The following PATJ variants were observed in gnomAD, a reference collection of about 807,000 sequenced individuals.
PATJ encodes the protein PATJ crumbs cell polarity complex component.
PATJ carries 190 observed loss-of-function variants against 224.9 expected under a neutral mutation model. The ratio of observed to expected loss-of-function variants is 0.84; its 90% CI spans 0.75 to 0.95. The LOEUF (loss-of-function observed/expected upper bound fraction) is 0.95, where lower values mean the gene tolerates loss of function less well. Among genes scored for constraint, PATJ ranks in the 40% least tolerant of loss-of-function variants. The pLI is 0.00. For missense variants in PATJ, 2,121 were observed against 2,270.3 expected (o/e 0.93, Z 1.34); for synonymous variants, 769 against 820.3 (o/e 0.94, Z 1.07).
Position 62,069,308 on chromosome 1 carries a change from C to G in PATJ, c.4126-10142C>G, listed in dbSNP as rs201310353. 3.9e-5 allele frequency among the ~76,000 whole-genome samples: 6 copies of G among 152,266 alleles called. No homozygotes were observed. The East Asian group carries it at 1.2e-3, about 29-fold the overall frequency. On this transcript the variant is annotated intron_variant, in intron 31 of 43. Coordinates refer to ENST00000642238, the MANE Select transcript of PATJ (RefSeq NM_001350145.3). ...GGCTTGGCAAATAATAATTTAGCCT[C>G]TCTGTGCCGCAGTTACCTCAGCTCT...
intron 27 of PATJ, among the ~76,000 whole-genome samples, chr1:61,976,950 A>T (rs1644168741): frequency 6.6e-6 from 1 of 152,064 alleles, no homozygotes; most frequent in Non-Finnish European, 1.5e-5. Flanking sequence ...TAATACCATT[A>T]ATTTTCCTAA....
chr1:61,862,906 C>T (rs1281058324), intron 19 of PATJ, among the ~76,000 whole-genome samples: 1 of 150,196 alleles, frequency 6.7e-6, no homozygotes, highest in Non-Finnish European at 1.5e-5. Context: ...ATATATGTTT[C>T]TATGATGTCT....
intron 28 of PATJ, among the ~76,000 whole-genome samples, chr1:62,014,980 C>T (rs553582411): frequency 4.6e-5 from 7 of 152,132 alleles, no homozygotes; most frequent in East Asian, 1.9e-4. Flanking sequence ...AGACAGTGGA[C>T]GTATTTTTAA....
At chr1:62,087,400 G>A (rs1055157159) in intron 33 of PATJ, among the ~76,000 whole-genome samples, 4 of 152,056 alleles carry the variant, frequency 2.6e-5, no homozygotes, top group Admixed American at 6.6e-5. Flanking sequence ...CGGGCCGTAG[G>A]TAGTTTTGGG....
intron 5 of PATJ, among the ~76,000 whole-genome samples, chr1:61,770,162 A>C (rs1228649557): frequency 6.6e-6 from 1 of 152,214 alleles, no homozygotes; most frequent in Non-Finnish European, 1.5e-5. Context: ...GATTAATTCT[A>C]GTCTCCCCAA....
At chr1:61,912,951 G>A (rs891583148) in intron 25 of PATJ, among the ~76,000 whole-genome samples, 2 of 152,122 alleles carry the variant, frequency 1.3e-5, no homozygotes, top group Non-Finnish European at 2.9e-5. Flanking sequence ...GTTGTTATAT[G>A]TATTAAACAG....
At chr1:61,931,355 GTAA>G (rs1557894353) in intron 27 of PATJ, among the ~76,000 whole-genome samples, 2 of 151,862 alleles carry the variant, frequency 1.3e-5, no homozygotes, top group African/African-American at 4.8e-5. Context: ...ATAAAACAAA[GTAA>G]TAAAATTTAA....
intron 30 of PATJ, among the ~76,000 whole-genome samples, chr1:62,039,493 T>C (rs998648126): frequency 6.6e-6 from 1 of 152,206 alleles, no homozygotes; most frequent in African/African-American, 2.4e-5. Flanking sequence ...CATCTTTCTC[T>C]CTTCATGGTT....
chr1:61,784,983 G>A (rs1489406573), intron 7 of PATJ, among the ~76,000 whole-genome samples: 3 of 152,122 alleles, frequency 2.0e-5, no homozygotes, highest in Admixed American at 6.5e-5. Flanking sequence ...AGTGGCTTCT[G>A]CAGCATTTAC....
At chr1:61,953,857 A>G (rs912940511) in intron 27 of PATJ, among the ~76,000 whole-genome samples, 27 of 152,094 alleles carry the variant, frequency 1.8e-4, no homozygotes, top group Admixed American at 1.3e-3. Context: ...ATCCCTGATC[A>G]TTTTCTTAAT....
chr1:62,127,759 A>C (rs1241270805), intron 39 of PATJ, among the ~76,000 whole-genome samples: 1 of 152,122 alleles, frequency 6.6e-6, no homozygotes, highest in Admixed American at 6.5e-5. Flanking sequence ...GTGACCTGAG[A>C]TCGTGCCATT....
At chr1:61,794,201 C>T (rs999794646) in intron 9 of PATJ, among the ~76,000 whole-genome samples, 2 of 147,636 alleles carry the variant, frequency 1.4e-5, no homozygotes, top group South Asian at 2.1e-4. Flanking sequence ...TGTGCCCGGA[C>T]TTTTTTTTTT....
Position 61,771,609 on chromosome 1 carries a change from AC to A in PATJ, c.704del (p.Thr235LysfsTer24). On this transcript the variant is annotated frameshift_variant, in exon 6 of 44. Transcript: ENST00000642238. LOFTEE classifies it high-confidence loss of function. Reference sequence around the variant, plus strand: ...CAGTACTTCTAGCAGCCTAAATGATACAACTCTGCCTGAAACAGTGAGTTGC... The same window carrying A: ...CAGTACTTCTAGCAGCCTAAATGATAAACTCTGCCTGAAACAGTGAGTTGC... The part of the protein sequence containing the change: ...KSSTSSSLND[T>X]TLPETVCWGH... 3 of 1,594,576 alleles carry A rather than the reference AC, an allele frequency of 1.9e-6. No individual in the cohort carries two copies. Among genetic ancestry groups the A allele is most frequent in the Non-Finnish European group, 2.6e-6 (3 of 1,174,184 alleles).
At chr1:61,837,299 G>C (rs1191142739) in intron 17 of PATJ, among the ~76,000 whole-genome samples, 1 of 152,154 alleles carries the variant, frequency 6.6e-6, no homozygotes, top group Non-Finnish European at 1.5e-5. Flanking sequence ...ACACTATAAT[G>C]TTTGTACTCT....
chr1:62,115,752 A>C (rs778229525), intron 35 of PATJ, among the ~76,000 whole-genome samples: 77 of 151,750 alleles, frequency 5.1e-4, no homozygotes, highest in Non-Finnish European at 9.4e-4. Flanking sequence ...ATATGCCCTC[A>C]CAGACCTCTG....
At chr1:61,826,912 C>G (rs973336325) in intron 15 of PATJ, among the ~76,000 whole-genome samples, 1 of 152,118 alleles carries the variant, frequency 6.6e-6, no homozygotes, top group Non-Finnish European at 1.5e-5. Context: ...ATTTTGACAG[C>G]CAAGTATTCT....
chr1:61,747,714 A>C (rs1429478296), intron 1 of PATJ, among the ~76,000 whole-genome samples: 2 of 152,182 alleles, frequency 1.3e-5, no homozygotes, highest in Non-Finnish European at 2.9e-5. Context: ...TCCTAAAAAC[A>C]CGGTGGAGGA....
intron 1 of PATJ, among the ~76,000 whole-genome samples, chr1:61,752,881 G>A (rs950153949): frequency 6.6e-6 from 1 of 152,120 alleles, no homozygotes; most frequent in African/African-American, 2.4e-5. Context: ...TATATTTAAG[G>A]TATTTAGAAA....
intron 1 of PATJ, among the ~76,000 whole-genome samples, chr1:61,758,843 C>G (rs1645800518): frequency 3.9e-5 from 6 of 152,142 alleles, no homozygotes; most frequent in Admixed American, 3.9e-4. Flanking sequence ...TCACTATAGC[C>G]TCAAACTCCT....
Sources: gnomAD v4.1 joint callset for allele counts (sites outside exome capture counted in the v4.1 genomes callset) on GRCh38, gnomAD v4.1.1 for gene constraint, MANE v1.5 for transcripts, NCBI Gene and HGNC (gene_info 2026-07-23, HGNC 2026-07-21) for gene names.